AGPS: variants seen among roughly 807,000 people sequenced by gnomAD.
The protein encoded by AGPS is alkylglycerone phosphate synthase, also known as alkyldihydroxyacetonephosphate synthase, peroxisomal.
In AGPS, 26 loss-of-function variants were observed where a neutral mutation model predicts 90.7. The observed-to-expected ratio is 0.29, with a 90% CI of 0.21 to 0.40. The LOEUF (loss-of-function observed/expected upper bound fraction) is 0.40, where lower values mean the gene tolerates loss of function less well. Among genes scored for constraint, AGPS ranks in the 10% least tolerant of loss-of-function variants. The probability of loss-of-function intolerance (pLI) is 1.00; values close to 1 mark genes in which losing one functional copy is unlikely to be tolerated. For missense variants in AGPS, 540 were observed against 816.1 expected, an observed-to-expected ratio of 0.66 and a Z score of 4.12; for synonymous variants, 294 against 285.3, an observed-to-expected ratio of 1.03 and a Z score of -0.31.
At chr2:177,525,601 CATATATATAACA>C (rs563013572) in intron 19 of AGPS, among the ~76,000 whole-genome samples, 1 of 152,180 alleles carries the variant, frequency 6.6e-6, no homozygotes, top group African/African-American at 2.4e-5. Context: ...GCAGCTGAAT[CATATATATAACA>C]AGGAAATAGA....
At chr2:177,454,696 T>C (rs1051065982) in intron 8 of AGPS, among the ~76,000 whole-genome samples, 5 of 152,144 alleles carry the variant, frequency 3.3e-5, no homozygotes, top group African/African-American at 1.2e-4. Context: ...CTACAAATAT[T>C]CTTCAGCTTT....
intron 8 of AGPS, among the ~76,000 whole-genome samples, chr2:177,457,129 G>A (rs10803909): frequency 0.58 from 88,250 of 152,072 alleles, 29,669 homozygotes; most frequent in Non-Finnish European, 0.72. Flanking sequence ...AAATAAAGAT[G>A]TTCTTTGAAA....
chr2:177,514,403 T>C (rs1414318571), intron 17 of AGPS, among the ~76,000 whole-genome samples: 1 of 152,164 alleles, frequency 6.6e-6, no homozygotes, highest in Non-Finnish European at 1.5e-5. Context: ...ATGAAAAAAC[T>C]GTTAGGTTCT....
At chr2:177,462,576 A>G (rs1159802448) in intron 9 of AGPS, among the ~76,000 whole-genome samples, 1 of 152,082 alleles carries the variant, frequency 6.6e-6, no homozygotes, top group Admixed American at 6.6e-5. Flanking sequence ...TAGATGTTTC[A>G]CAGTATCCAG....
In AGPS at chr2:177,499,598, A is replaced by T; in HGVS notation, c.1363-20A>T. ...TAGGATAAGACTTATCTGTAATAATAAATTTTTTTTTTTTTGTAGTTTAAA... is the reference window on the plus strand; with the variant it reads ...TAGGATAAGACTTATCTGTAATAATTAATTTTTTTTTTTTTGTAGTTTAAA... On this transcript the variant is annotated intron_variant, in intron 13 of 19. Transcript: ENST00000264167. The T allele has an allele frequency of 7.1e-7, 1 of 1,402,362 alleles. No homozygotes were observed. The highest frequency in any genetic ancestry group is 1.0e-6 in the Non-Finnish European group (1 of 993,114). 86.9% of individuals were successfully genotyped at this position (1,402,362 alleles called of 1,614,324 possible). A position where few individuals can be genotyped will look rare whatever the true frequency, so the allele number is the denominator to read the frequency against.
At chr2:177,531,559 C>G (rs2079137442) in intron 19 of AGPS, among the ~76,000 whole-genome samples, 1 of 152,064 alleles carries the variant, frequency 6.6e-6, no homozygotes, top group Non-Finnish European at 1.5e-5. Flanking sequence ...CATAGTAAAG[C>G]TGTCAGTTCT....
chr2:177,465,248 C>G (rs1458757757), intron 9 of AGPS, among the ~76,000 whole-genome samples: 2 of 152,180 alleles, frequency 1.3e-5, no homozygotes, highest in Admixed American at 6.5e-5. Flanking sequence ...GAGCTATCAT[C>G]CCACCACTGC....
intron 10 of AGPS, among the ~76,000 whole-genome samples, chr2:177,481,348 G>A (rs910301142): frequency 6.6e-6 from 1 of 151,600 alleles, no homozygotes; most frequent in Non-Finnish European, 1.5e-5. Flanking sequence ...AAAGAAAAGA[G>A]CATTTCTTTT....
At chr2:177,530,431 A>C (rs1413797525) in intron 19 of AGPS, among the ~76,000 whole-genome samples, 1 of 152,226 alleles carries the variant, frequency 6.6e-6, no homozygotes, top group African/African-American at 2.4e-5. Context: ...AAACTTATTC[A>C]ATGCTAGAGC....
intron 12 of AGPS, among the ~76,000 whole-genome samples, chr2:177,493,869 T>G (rs945592484): frequency 6.6e-6 from 1 of 152,276 alleles, no homozygotes; most frequent in South Asian, 2.1e-4. Flanking sequence ...GTTTGAGGGC[T>G]TTGAGCATGG....
chr2:177,482,899 A>G (rs1687986452), intron 11 of AGPS, among the ~76,000 whole-genome samples: 1 of 152,164 alleles, frequency 6.6e-6, no homozygotes, highest in South Asian at 2.1e-4. Flanking sequence ...TTTAAACTAC[A>G]ACTGTCTATG....
chr2:177,452,548 AT>A (rs1686982557), intron 8 of AGPS, among the ~76,000 whole-genome samples: 1 of 152,020 alleles, frequency 6.6e-6, no homozygotes, highest in African/African-American at 2.4e-5. Context: ...TTTACTCTTA[AT>A]TAGTTTGTAT....
chr2:177,517,504 G>A (rs2105729761), intron 17 of AGPS, among the ~76,000 whole-genome samples: 1 of 152,038 alleles, frequency 6.6e-6, no homozygotes, highest in Admixed American at 6.5e-5. Context: ...AACTTCGAGG[G>A]AGTTTGGAAA....
In AGPS at chr2:177,526,939, A is replaced by G. The variant is rs146877764; in HGVS notation, c.1855+3134A>G. ...TTCCTGTCTTTCACATGAAGATGCT[A>G]AGGTTCTGAATATAAAGTAACTGGC... On this transcript the variant is annotated intron_variant, in intron 19 of 19. Transcript: ENST00000264167. Among the ~76,000 whole-genome samples the G allele has an allele frequency of 2.6e-3, 393 of 152,350 alleles. 4 individuals are homozygous for G. Among genetic ancestry groups the G allele is most frequent in the African/African-American group, 9.0e-3 (375 of 41,592 alleles).
At chr2:177,519,202 C>T (rs544460914) in intron 17 of AGPS, among the ~76,000 whole-genome samples, 1 of 152,234 alleles carries the variant, frequency 6.6e-6, no homozygotes, top group African/African-American at 2.4e-5. Flanking sequence ...TTCCTCTACT[C>T]ATGGATGTCT....
At chr2:177,430,688 T>G (rs1312715269) in intron 2 of AGPS, among the ~76,000 whole-genome samples, 1 of 152,122 alleles carries the variant, frequency 6.6e-6, no homozygotes, top group African/African-American at 2.4e-5. Context: ...GTCTGCCTAG[T>G]CAGTCCTGAT....
At chr2:177,518,078 T>A (rs1559081467) in intron 17 of AGPS, among the ~76,000 whole-genome samples, 1 of 152,208 alleles carries the variant, frequency 6.6e-6, no homozygotes, top group Non-Finnish European at 1.5e-5. Context: ...ACTACTTGGT[T>A]AGGGTGGTAC....
At chr2:177,402,185 T>C (rs1427242057) in intron 1 of AGPS, among the ~76,000 whole-genome samples, 1 of 152,296 alleles carries the variant, frequency 6.6e-6, no homozygotes, top group East Asian at 1.9e-4. Flanking sequence ...TTAAGAAGGA[T>C]GTCAATGAAA....
intron 15 of AGPS, among the ~76,000 whole-genome samples, chr2:177,507,318 T>G (rs1197533917): frequency 1.3e-5 from 2 of 152,132 alleles, no homozygotes. Context: ...TCTTTCCAAT[T>G]TTGATAACAA....
Sources: gnomAD v4.1 joint callset for allele counts (sites outside exome capture counted in the v4.1 genomes callset) on GRCh38, gnomAD v4.1.1 for gene constraint, MANE v1.5 for transcripts, NCBI Gene and HGNC (gene_info 2026-07-23, HGNC 2026-07-21) for gene names.